Variants in NEDD4L observed in about 807,000 individuals in gnomAD.
NEDD4L encodes the protein NEDD4 like E3 ubiquitin protein ligase.
In NEDD4L, 54 loss-of-function variants were observed where a neutral mutation model predicts 148.9. That is an observed-to-expected ratio of 0.36 (90% CI 0.29 to 0.45). The LOEUF is 0.45. Ranked by LOEUF, NEDD4L falls within the 20% of genes least tolerant of loss-of-function variation. The pLI, the probability that NEDD4L is intolerant of heterozygous loss-of-function variation, is 1.00. For synonymous variants in NEDD4L, 433 were observed against 440.7 expected, an observed-to-expected ratio of 0.98 and a Z score of 0.22; for missense variants, 856 against 1,233.8, an observed-to-expected ratio of 0.69 and a Z score of 4.59.
chr18:58,387,018 C>T (rs192825933), intron 26 of NEDD4L, among the ~76,000 whole-genome samples: 65 of 152,284 alleles, frequency 4.3e-4, no homozygotes, highest in African/African-American at 1.3e-3. Context: ...GTTTTCTGTA[C>T]GCACAGTGTC....
At chr18:58,213,760 T>G (rs562472974) in intron 2 of NEDD4L, among the ~76,000 whole-genome samples, 80 of 152,338 alleles carry the variant, frequency 5.3e-4, no homozygotes, top group African/African-American at 1.3e-3. Flanking sequence ...TGTTGTTGTT[T>G]TTTTTTTAAT....
chr18:58,343,042 T>C lies in NEDD4L; in HGVS notation c.1514T>C (p.Met505Thr), dbSNP rs1330683051. 1 of 1,613,078 alleles carries C rather than the reference T, an allele frequency of 6.2e-7. No homozygotes were observed. Among genetic ancestry groups the C allele is most frequent in the Non-Finnish European group, 8.5e-7 (1 of 1,179,550 alleles). Residue 505 changes from methionine to threonine, a missense_variant, in exon 16 of 31, where the codon ATG becomes ACG. Met to Thr is a moderately conservative substitution (Grantham distance 81). This residue lies in a region of NEDD4L where 367 missense variants were observed against 422.7 expected (regional missense o/e 0.87). Coordinates refer to ENST00000400345, the MANE Select transcript of NEDD4L (RefSeq NM_001144967.3). ...AGCTTCTTGCCACCCGGCTGGGAAA[T>C]GAGGATAGCGCCAAACGGCCGGCCC... is the stretch of plus-strand genomic sequence containing the variant. Reference protein sequence around the residue: ...TQSFLPPGWEMRIAPNGRPFF... With the variant: ...TQSFLPPGWETRIAPNGRPFF...
intron 1 of NEDD4L, among the ~76,000 whole-genome samples, chr18:58,071,656 C>T (rs750712228): frequency 3.3e-5 from 5 of 152,168 alleles, no homozygotes; most frequent in African/African-American, 7.2e-5. Flanking sequence ...TGTGTTTGTT[C>T]TCATGCCGCT....
intron 1 of NEDD4L, among the ~76,000 whole-genome samples, chr18:58,122,743 C>CTTTTTTTTTTTTTTTT (rs944368993): frequency 6.8e-6 from 1 of 147,562 alleles, no homozygotes; most frequent in African/African-American, 2.5e-5. Context: ...TTTTCTTTTT[C>CTTTTTTTTTTTTTTTT]TTTTTTTTTT....
At chr18:58,359,521 A>G (rs1395488008) in intron 19 of NEDD4L, among the ~76,000 whole-genome samples, 1 of 152,192 alleles carries the variant, frequency 6.6e-6, no homozygotes, top group Admixed American at 6.5e-5. Context: ...AACTTTCCTA[A>G]TAGTCAAATA....
At chr18:58,064,834 T>A (rs141402993) in intron 1 of NEDD4L, among the ~76,000 whole-genome samples, 1 of 152,296 alleles carries the variant, frequency 6.6e-6, no homozygotes, top group African/African-American at 2.4e-5. Context: ...TGGCCAGGCG[T>A]GATGACTCAT....
intron 13 of NEDD4L, among the ~76,000 whole-genome samples, chr18:58,339,727 C>T (rs1332219702): frequency 6.6e-6 from 1 of 152,170 alleles, no homozygotes; most frequent in African/African-American, 2.4e-5. Flanking sequence ...GGGAGGTTAA[C>T]ATACTGCTTC....
rs374596225 is a variant in NEDD4L, at chr18:58,329,016, C to G, written c.702C>G (p.Asp234Glu). ...TCAGGGACGTGTCCTCGGAGTCGGA[C>G]AATAACATCAGACAGATCAACCAGG... is the stretch of plus-strand genomic sequence containing the variant. ...PSLMDVSSES[D>E]NNIRQINQEA... The change falls in exon 10 of 31, where the codon GAC (aspartate) becomes GAG (glutamate). Residue 234 changes from aspartate to glutamate, a missense_variant. Asp to Glu is a conservative substitution (Grantham distance 45). This residue lies in a region of NEDD4L where 367 missense variants were observed against 422.7 expected (regional missense o/e 0.87). Coordinates refer to ENST00000400345, the MANE Select transcript of NEDD4L (RefSeq NM_001144967.3). The G allele has an allele frequency of 6.2e-7, 1 of 1,614,028 alleles. No individual in the cohort carries two copies. The highest frequency in any genetic ancestry group is 8.5e-7 in the Non-Finnish European group (1 of 1,179,892).
intron 30 of NEDD4L, among the ~76,000 whole-genome samples, chr18:58,395,203 A>G (rs2050329798): frequency 6.6e-6 from 1 of 152,172 alleles, no homozygotes; most frequent in South Asian, 2.1e-4. Flanking sequence ...TGCCATTTTC[A>G]TGACAGATAC....
chr18:58,300,629 C>A (rs1600893382), intron 5 of NEDD4L, among the ~76,000 whole-genome samples: 1 of 152,214 alleles, frequency 6.6e-6, no homozygotes, highest in African/African-American at 2.4e-5. Context: ...GGAATGAGAG[C>A]AGAGAAACTC....
intron 5 of NEDD4L, among the ~76,000 whole-genome samples, chr18:58,253,857 T>C (rs887079295): frequency 6.6e-6 from 1 of 152,208 alleles, no homozygotes; most frequent in Non-Finnish European, 1.5e-5. Flanking sequence ...AAAAGGACTT[T>C]GAATACAAAA....
intron 1 of NEDD4L, among the ~76,000 whole-genome samples, chr18:58,146,229 C>G (rs2034083952): frequency 6.6e-6 from 1 of 152,106 alleles, no homozygotes; most frequent in Non-Finnish European, 1.5e-5. Flanking sequence ...CGGGAGAGAC[C>G]TAGACGCAGA....
At chr18:58,350,882 A>G (rs2043793200) in intron 17 of NEDD4L, 109 bp from the exon 18 acceptor site, 5 of 767,818 alleles carry the variant, frequency 6.5e-6, no homozygotes, top group Admixed American at 2.4e-5. Context: ...AATGTACCCT[A>G]GCAGAAAAGA....
At chr18:58,072,972 A>AAATT (rs956513689) in intron 1 of NEDD4L, among the ~76,000 whole-genome samples, 15 of 152,182 alleles carry the variant, frequency 9.9e-5, no homozygotes, top group Admixed American at 8.5e-4. Flanking sequence ...TCCAGAAATG[A>AAATT]AATTAATAAA....
chr18:58,197,336 A>G (rs755241644), intron 2 of NEDD4L, among the ~76,000 whole-genome samples: 1 of 152,190 alleles, frequency 6.6e-6, no homozygotes, highest in Non-Finnish European at 1.5e-5. Context: ...ATAAGGGACA[A>G]GGAAGAACAG....
At chr18:58,064,368 T>C (rs533528973) in intron 1 of NEDD4L, among the ~76,000 whole-genome samples, 2 of 152,324 alleles carry the variant, frequency 1.3e-5, no homozygotes, top group East Asian at 3.9e-4. Context: ...TGCAAATTTG[T>C]TACAAATCTA....
chr18:58,351,582 A>G (rs1876474447), intron 18 of NEDD4L, among the ~76,000 whole-genome samples: 1 of 152,200 alleles, frequency 6.6e-6, no homozygotes, highest in Non-Finnish European at 1.5e-5. Flanking sequence ...TTGCTCCAGC[A>G]CCTATGAAAA....
At chr18:58,234,126 T>C (rs928155148) in intron 2 of NEDD4L, among the ~76,000 whole-genome samples, 9 of 142,918 alleles carry the variant, frequency 6.3e-5, no homozygotes, top group Admixed American at 1.4e-4. Context: ...CTTTTCCTTC[T>C]TTTTTTCTTT....
intron 1 of NEDD4L, among the ~76,000 whole-genome samples, chr18:58,062,762 G>T (rs2082389023): frequency 6.6e-6 from 1 of 152,280 alleles, no homozygotes; most frequent in East Asian, 1.9e-4. Flanking sequence ...GCTGAGGCAG[G>T]CAGATCACGA....
Sources: allele counts gnomAD v4.1 joint callset (sites outside exome capture counted in the v4.1 genomes callset), GRCh38; gene constraint gnomAD v4.1.1; regional missense constraint gnomAD v4.1.1; transcripts MANE v1.5; gene names NCBI Gene and HGNC (gene_info 2026-07-23, HGNC 2026-07-21).